Variants in SEC22A observed in about 807,000 individuals in gnomAD.
SEC22A encodes the protein SEC22 homolog A, vesicle trafficking protein, also known as vesicle-trafficking protein SEC22a.
A neutral mutation model predicts 35.3 loss-of-function variants in SEC22A; 22 were observed. That is an observed-to-expected ratio of 0.62 (90% confidence interval 0.45 to 0.89). SEC22A has a LOEUF of 0.89. SEC22A is among the 40% of genes least tolerant of loss of function. The pLI, the probability that SEC22A is intolerant of heterozygous loss-of-function variation, is 0.00. For synonymous variants in SEC22A, 119 were observed against 129.5 expected, an observed-to-expected ratio of 0.92 and a Z score of 0.55; for missense variants, 354 against 362.5, an observed-to-expected ratio of 0.98 and a Z score of 0.19.
intron 4 of SEC22A, among the ~76,000 whole-genome samples, chr3:123,243,659 C>T (rs986061364): frequency 6.6e-6 from 1 of 152,168 alleles, no homozygotes. Flanking sequence ...GCCTTGAGGG[C>T]AGAATATGTA....
intron 4 of SEC22A, among the ~76,000 whole-genome samples, chr3:123,228,935 T>A (rs753354091): frequency 1.3e-5 from 2 of 152,054 alleles, no homozygotes; most frequent in Non-Finnish European, 2.9e-5. Context: ...GAAGATAGAT[T>A]GATAGAGATT....
chr3:123,269,600 C>G (rs1484394565), intron 6 of SEC22A, among the ~76,000 whole-genome samples: 1 of 150,062 alleles, frequency 6.7e-6, no homozygotes, highest in South Asian at 2.1e-4. Flanking sequence ...CTGATTAATA[C>G]TCTTCAAGAC....
At chr3:123,256,909 G>C (rs888580617) in intron 5 of SEC22A, among the ~76,000 whole-genome samples, 3 of 151,664 alleles carry the variant, frequency 2.0e-5, no homozygotes, top group African/African-American at 7.3e-5. Context: ...ACAGGTGCCC[G>C]CCACCACGCC....
intron 2 of SEC22A, among the ~76,000 whole-genome samples, chr3:123,219,971 T>A (rs1035716675): frequency 2.6e-5 from 4 of 152,222 alleles, no homozygotes; most frequent in African/African-American, 9.6e-5. Flanking sequence ...CTAAATTTAC[T>A]ATGAAAAGCC....
rs541137055 is a variant in SEC22A at position 123,243,347 on chromosome 3, C to T, written c.542-2552C>T. Reference sequence around the variant, plus strand: ...ACAGTGAGACCAAGTATATAAAGCACTTGGTGCCTGGCGTGTTGAGAGCAG... The same window carrying T: ...ACAGTGAGACCAAGTATATAAAGCATTTGGTGCCTGGCGTGTTGAGAGCAG... On this transcript the variant is annotated intron_variant, in intron 4 of 6. Transcript: ENST00000492595. Among the ~76,000 whole-genome samples the T allele has an allele frequency of 1.2e-4, 18 of 152,236 alleles. No individual in the cohort carries two copies. The East Asian group carries it at 3.3e-3, about 28-fold the overall frequency.
intron 6 of SEC22A, among the ~76,000 whole-genome samples, chr3:123,260,005 G>T (rs940804828): frequency 1.3e-5 from 2 of 151,952 alleles, no homozygotes; most frequent in South Asian, 2.1e-4. Flanking sequence ...GGTGATGTGT[G>T]CCTGTAGTCC....
chr3:123,216,548 TTTA>T (rs1282228710), intron 2 of SEC22A, among the ~76,000 whole-genome samples: 1 of 152,202 alleles, frequency 6.6e-6, no homozygotes, highest in African/African-American at 2.4e-5. Context: ...AAATGGGTCT[TTTA>T]TTCATAGGAT....
chr3:123,202,774 G>C (rs138545042), intron 1 of SEC22A, among the ~76,000 whole-genome samples: 12 of 152,294 alleles, frequency 7.9e-5, no homozygotes, highest in Non-Finnish European at 1.8e-4. Flanking sequence ...CCAAGGCAAA[G>C]CCTAGCCCAG....
intron 4 of SEC22A, among the ~76,000 whole-genome samples, chr3:123,243,142 G>A (rs1287177127): frequency 6.6e-6 from 1 of 151,962 alleles, no homozygotes; most frequent in African/African-American, 2.4e-5. Context: ...ATAGCAGAAT[G>A]GCTGAGAACA....
intron 5 of SEC22A, among the ~76,000 whole-genome samples, chr3:123,249,581 A>G (rs1033224704): frequency 3.9e-5 from 6 of 151,974 alleles, no homozygotes; most frequent in East Asian, 1.9e-4. Flanking sequence ...CTGGAGTGCA[A>G]TGGCATGGTT....
intron 2 of SEC22A, among the ~76,000 whole-genome samples, chr3:123,209,981 G>C (rs1225706594): frequency 6.6e-6 from 1 of 152,172 alleles, no homozygotes. Flanking sequence ...CATGCCAAGA[G>C]ACAGAAAGAA....
At chr3:123,244,177 G>C (rs569971811) in intron 4 of SEC22A, among the ~76,000 whole-genome samples, 39 of 152,162 alleles carry the variant, frequency 2.6e-4, no homozygotes, top group Non-Finnish European at 3.8e-4. Context: ...AGTTCAGTTT[G>C]TTAAAATGAG....
rs941629267 is a variant in SEC22A at position 123,217,621 on chromosome 3, A to G, written c.183-5938A>G. The stretch of plus-strand genomic sequence containing the variant: ...AGCTATTCACTGGGCAAATGTGACT[A>G]CAAAGGATAAGCAGAGTTTCTATGT... On this transcript the variant is annotated intron_variant, in intron 2 of 6. Transcript: ENST00000492595. Among the ~76,000 whole-genome samples, 3 of 152,224 alleles carry G rather than the reference A, an allele frequency of 2.0e-5. No homozygotes were observed. In the East Asian group the frequency reaches 5.8e-4, roughly 29 times the overall value.
chr3:123,234,288 G>A (rs1174798652), intron 4 of SEC22A, among the ~76,000 whole-genome samples: 1 of 152,080 alleles, frequency 6.6e-6, no homozygotes, highest in African/African-American at 2.4e-5. Flanking sequence ...AATTCATATG[G>A]AAATGCAAGG....
At chr3:123,247,748 G>A (rs540734751) in intron 5 of SEC22A, among the ~76,000 whole-genome samples, 1 of 152,248 alleles carries the variant, frequency 6.6e-6, no homozygotes, top group South Asian at 2.1e-4. Context: ...ATAGCTCTGA[G>A]ATTTCTCAGC....
chr3:123,240,910 T>G (rs1344390725), intron 4 of SEC22A, among the ~76,000 whole-genome samples: 2 of 152,076 alleles, frequency 1.3e-5, no homozygotes, highest in African/African-American at 4.8e-5. Context: ...ATCTATTTTA[T>G]CATTTTCTAG....
chr3:123,221,564 C>T (rs1937124912), intron 2 of SEC22A, among the ~76,000 whole-genome samples: 1 of 151,528 alleles, frequency 6.6e-6, no homozygotes, highest in African/African-American at 2.4e-5. Flanking sequence ...GTTTACTGCC[C>T]CTGATCTAGA....
intron 6 of SEC22A, among the ~76,000 whole-genome samples, chr3:123,268,925 C>T (rs992051153): frequency 1.3e-5 from 2 of 152,008 alleles, no homozygotes; most frequent in Admixed American, 6.6e-5. Flanking sequence ...CAGGCAAGTA[C>T]CACAATCTGG....
At chr3:123,220,127 C>T (rs1022814035) in intron 2 of SEC22A, among the ~76,000 whole-genome samples, 1 of 152,146 alleles carries the variant, frequency 6.6e-6, no homozygotes, top group Non-Finnish European at 1.5e-5. Flanking sequence ...ACATTTAGCA[C>T]AAGTAAGATA....
Sources: allele counts gnomAD v4.1 joint callset (sites outside exome capture counted in the v4.1 genomes callset), GRCh38; gene constraint gnomAD v4.1.1; transcripts MANE v1.5; gene names NCBI Gene and HGNC (gene_info 2026-07-23, HGNC 2026-07-21).